The following STARD13 variants were observed in gnomAD, a reference collection of about 807,000 sequenced individuals.
STARD13 encodes the protein StAR related lipid transfer domain containing 13.
A neutral mutation model predicts 106.4 loss-of-function variants in STARD13; 62 were observed. The ratio of observed to expected loss-of-function variants is 0.58; its 90% CI spans 0.48 to 0.72. The LOEUF (loss-of-function observed/expected upper bound fraction) is 0.72. Among genes scored for constraint, STARD13 ranks in the 30% least tolerant of loss-of-function variants. The pLI is 0.00. For missense variants in STARD13, 1,387 were observed against 1,424.0 expected (o/e 0.97, Z 0.42); for synonymous variants, 565 against 553.0 (o/e 1.02, Z -0.31).
rs553890524 is a variant in STARD13 at position 33,292,572 on chromosome 13, G to A, written c.124+57718C>T. ...GCCATGAGTGTGCCACTGCATTCTA[G>A]CCTGGGCAACAGAGCAAGACCCCAT... On this transcript the variant is annotated intron_variant, in intron 1 of 5. Transcript: ENST00000567873. Among the ~76,000 whole-genome samples the A allele has an allele frequency of 1.9e-4, 29 of 150,552 alleles. No individual in the cohort carries two copies. In the East Asian group the frequency reaches 5.7e-3, roughly 29 times the overall value.
chr13:33,151,452 G>A (rs981738477), intron 3 of STARD13, among the ~76,000 whole-genome samples: 12 of 152,128 alleles, frequency 7.9e-5, no homozygotes, highest in Admixed American at 2.6e-4. Context: ...TAGATCTCAC[G>A]TGAACTAACT....
At chr13:33,106,136 A>G (rs990057885) in intron 13 of STARD13, among the ~76,000 whole-genome samples, 1 of 152,186 alleles carries the variant, frequency 6.6e-6, no homozygotes, top group African/African-American at 2.4e-5. Context: ...AAAGAAATAC[A>G]TGGTCGAGCA....
At chr13:33,650,300 C>G in the STARD13 span, among the ~76,000 whole-genome samples, 1 of 146,174 alleles carries the variant, frequency 6.8e-6, no homozygotes, top group African/African-American at 2.6e-5. Context: ...ACGCCATTCT[C>G]CTGCCTCAGC....
chr13:33,413,744 A>G, the STARD13 span, among the ~76,000 whole-genome samples: 1 of 152,178 alleles, frequency 6.6e-6, no homozygotes, highest in African/African-American at 2.4e-5. Context: ...GAAAATAAGC[A>G]CATGAGGCCA....
chr13:33,395,225 A>G, the STARD13 span, among the ~76,000 whole-genome samples: 1 of 152,172 alleles, frequency 6.6e-6, no homozygotes, highest in Non-Finnish European at 1.5e-5. Context: ...GATGATTTTT[A>G]AAATCTCTAT....
chr13:33,369,815 C>T, the STARD13 span, among the ~76,000 whole-genome samples: 1 of 152,108 alleles, frequency 6.6e-6, no homozygotes, highest in Non-Finnish European at 1.5e-5. Flanking sequence ...GGGCTTGGCT[C>T]ACAGTTGCCC....
chr13:33,182,393 T>C (rs932897478), intron 1 of STARD13, among the ~76,000 whole-genome samples: 24 of 152,284 alleles, frequency 1.6e-4, no homozygotes, highest in African/African-American at 5.8e-4. Context: ...GTCCCCATAT[T>C]CTCACTACAC....
At chr13:33,510,287 G>A in the STARD13 span, among the ~76,000 whole-genome samples, 11 of 152,172 alleles carry the variant, frequency 7.2e-5, no homozygotes, top group Non-Finnish European at 1.5e-4. Context: ...TCCCTTTAGA[G>A]TGAAGGTAGG....
At chr13:33,386,400 C>T in the STARD13 span, among the ~76,000 whole-genome samples, 1 of 152,110 alleles carries the variant, frequency 6.6e-6, no homozygotes, top group African/African-American at 2.4e-5. Flanking sequence ...GCTGAGCTAG[C>T]GGGTCACATG....
At chr13:33,308,573 G>T (rs1201225481) in intron 1 of STARD13, among the ~76,000 whole-genome samples, 3 of 132,446 alleles carry the variant, frequency 2.3e-5, no homozygotes, top group Non-Finnish European at 4.7e-5. Flanking sequence ...GCCCAGGCTG[G>T]AGAGCAATGG....
intron 12 of STARD13, among the ~76,000 whole-genome samples, chr13:33,109,588 C>T (rs961354099): frequency 5.9e-5 from 9 of 152,196 alleles, no homozygotes; most frequent in Admixed American, 5.9e-4. Flanking sequence ...TTTTCTGGGC[C>T]GTCTGCTCTG....
rs764691713 is a variant in STARD13, at chr13:33,112,790, A to G, written c.2423T>C (p.Met808Thr). 4.3e-6 allele frequency: 7 copies of G among 1,613,936 alleles called. No homozygotes were observed. The Admixed American group carries it at 1.0e-4, about 23-fold the overall frequency. Residue 808 changes from methionine (M) to threonine (T), a missense_variant, in exon 9 of 14, where the codon ATG (methionine) becomes ACG (threonine). Transcript: ENST00000336934. ...NLVEENQMTP[M>T]NLAVCLAPSL... ...GGGGGCCAGACACACTGCCAGGTTC[A>G]TGGGCGTCATCTGATTCTCTTCCAC...
the STARD13 span, among the ~76,000 whole-genome samples, chr13:33,585,229 A>G: frequency 2.0e-5 from 3 of 152,236 alleles, no homozygotes; most frequent in Non-Finnish European, 4.4e-5. Flanking sequence ...CAGTTCCTCA[A>G]AAAATTACAG....
chr13:33,616,916 G>T, the STARD13 span, among the ~76,000 whole-genome samples: 8 of 152,172 alleles, frequency 5.3e-5, no homozygotes, highest in African/African-American at 1.9e-4. Flanking sequence ...TTTGAGACCT[G>T]AGTGATAAGT....
chr13:33,266,957 T>A (rs1296102663), intron 1 of STARD13, among the ~76,000 whole-genome samples: 1 of 152,240 alleles, frequency 6.6e-6, no homozygotes, highest in East Asian at 1.9e-4. Flanking sequence ...GAAGAGCTGA[T>A]GCGGAAAAAG....
intron 8 of STARD13, among the ~76,000 whole-genome samples, chr13:33,116,206 C>T (rs557532234): frequency 1.3e-5 from 2 of 152,358 alleles, no homozygotes; most frequent in East Asian, 1.9e-4. Flanking sequence ...GATGAATACA[C>T]TGGGCTCTCC....
the STARD13 span, among the ~76,000 whole-genome samples, chr13:33,443,364 G>A: frequency 4.8e-5 from 7 of 144,428 alleles, no homozygotes; most frequent in East Asian, 2.0e-4. Context: ...GCAACAAAGC[G>A]AGATTCTGTC....
intron 3 of STARD13, among the ~76,000 whole-genome samples, chr13:33,160,138 G>A (rs1184269527): frequency 6.6e-6 from 1 of 152,018 alleles, no homozygotes; most frequent in Non-Finnish European, 1.5e-5. Context: ...AGATAAATGG[G>A]GGCAGAATAG....
chr13:33,224,656 A>G (rs1200504264), intron 1 of STARD13, among the ~76,000 whole-genome samples: 1 of 152,232 alleles, frequency 6.6e-6, no homozygotes, highest in African/African-American at 2.4e-5. Context: ...CTCATATCAA[A>G]GAGGAAATAT....
Sources: gnomAD v4.1 joint callset for allele counts (sites outside exome capture counted in the v4.1 genomes callset) on GRCh38, gnomAD v4.1.1 for gene constraint, MANE v1.5 for transcripts, NCBI Gene and HGNC (gene_info 2026-07-23, HGNC 2026-07-21) for gene names.